FARSB: variants seen among roughly 807,000 people sequenced by gnomAD.
The protein encoded by FARSB is phenylalanyl-tRNA synthetase subunit beta, also known as phenylalanine--tRNA ligase beta subunit.
A neutral mutation model predicts 69.6 loss-of-function variants in FARSB; 40 were observed. The ratio of observed to expected loss-of-function variants is 0.57; its 90% CI spans 0.45 to 0.75. The LOEUF (loss-of-function observed/expected upper bound fraction) is 0.75. Ranked by LOEUF, FARSB falls within the 30% of genes least tolerant of loss-of-function variation. The pLI is 0.00. For missense variants in FARSB, 632 were observed against 722.9 expected, an observed-to-expected ratio of 0.87 and a Z score of 1.44; for synonymous variants, 235 against 247.2, an observed-to-expected ratio of 0.95 and a Z score of 0.46.
At chr2:222,573,264 G>C (rs1262642683) in intron 16 of FARSB, among the ~76,000 whole-genome samples, 1 of 152,060 alleles carries the variant, frequency 6.6e-6, no homozygotes, top group African/African-American at 2.4e-5. Flanking sequence ...TCATTCTTAA[G>C]TAAACCCAAA....
intron 15 of FARSB, among the ~76,000 whole-genome samples, chr2:222,613,084 G>T (rs544735930): frequency 6.6e-6 from 1 of 152,198 alleles, no homozygotes; most frequent in Non-Finnish European, 1.5e-5. Context: ...TCAAGTTGAG[G>T]TTTTAACAGT....
rs569716162 is a variant in FARSB at position 222,646,753 on chromosome 2, C to A, written c.114+1987G>T. Among the ~76,000 whole-genome samples the A allele has an allele frequency of 3.4e-4, 52 of 152,308 alleles. 1 individual carries two copies. Among genetic ancestry groups the A allele is most frequent in the African/African-American group, 1.3e-3 (52 of 41,560 alleles). ...TCTCTTGCTCATTTTGCAGAAATAA[C>A]CTAAGTTGCTCAAATTCAGACTTGA... On this transcript the variant is annotated intron_variant, in intron 2 of 16. Transcript: ENST00000281828.
intron 13 of FARSB, among the ~76,000 whole-genome samples, chr2:222,621,388 A>G (rs1337213308): frequency 6.6e-6 from 1 of 152,078 alleles, no homozygotes; most frequent in Non-Finnish European, 1.5e-5. Flanking sequence ...ACACCCGACT[A>G]ATTTTTGTAT....
chr2:222,656,062 G>A lies in FARSB; in HGVS notation c.12C>T (p.Val4=), dbSNP rs764181068. 1 of 1,596,488 alleles carries A rather than the reference G, an allele frequency of 6.3e-7. No homozygotes were observed. The highest frequency in any genetic ancestry group is 1.1e-5 in the South Asian group (1 of 88,608). The change falls in exon 1 of 17, where the codon GTC becomes GTT. Residue 4 remains valine (V), a synonymous_variant. Coordinates refer to ENST00000281828, the MANE Select transcript of FARSB (RefSeq NM_005687.5). MPT[V]SVKRDLLFQA... is the part of the protein sequence containing the mutation. Reference sequence around the variant, plus strand: ...GGAAGAGCAGATCACGCTTCACGCTGACAGTCGGCATGGTGTGTCGAACTC... The same window carrying A: ...GGAAGAGCAGATCACGCTTCACGCTAACAGTCGGCATGGTGTGTCGAACTC...
intron 1 of FARSB, among the ~76,000 whole-genome samples, chr2:222,653,447 A>G (rs1280053089): frequency 1.3e-5 from 2 of 152,028 alleles, no homozygotes; most frequent in Non-Finnish European, 2.9e-5. Context: ...AAAAAAAGGT[A>G]AGAAACAAGA....
chr2:222,626,606 G>C (rs1287791268), intron 10 of FARSB, among the ~76,000 whole-genome samples: 1 of 152,020 alleles, frequency 6.6e-6, no homozygotes, highest in Non-Finnish European at 1.5e-5. Flanking sequence ...ATTTACAAAA[G>C]GTCTCTATAT....
intron 8 of FARSB, 57 bp from the exon 9 acceptor site, chr2:222,630,231 A>T: frequency 1.2e-6 from 1 of 830,722 alleles, no homozygotes; most frequent in Non-Finnish European, 1.9e-6. Context: ...CTTCACTCAG[A>T]TGGAAATGAA....
intron 16 of FARSB, among the ~76,000 whole-genome samples, chr2:222,597,456 T>A (rs542431698): frequency 2.6e-4 from 39 of 151,722 alleles, no homozygotes; most frequent in African/African-American, 9.4e-4. Context: ...AAAAAAAAAA[T>A]TCTAAACAAA....
chr2:222,614,923 T>A (rs1183442442), intron 14 of FARSB, among the ~76,000 whole-genome samples: 1 of 152,148 alleles, frequency 6.6e-6, no homozygotes, highest in African/African-American at 2.4e-5. Flanking sequence ...AATTAAAATA[T>A]CACAATGAGG....
At chr2:222,648,454 G>A (rs1691928256) in intron 2 of FARSB, among the ~76,000 whole-genome samples, 1 of 152,112 alleles carries the variant, frequency 6.6e-6, no homozygotes, top group African/African-American at 2.4e-5. Context: ...GCCAAAGGAG[G>A]GAGCTTACTT....
chr2:222,650,703 G>A (rs1183308319), intron 1 of FARSB, among the ~76,000 whole-genome samples: 1 of 152,086 alleles, frequency 6.6e-6, no homozygotes, highest in East Asian at 1.9e-4. Flanking sequence ...TGTGAACTGA[G>A]GTCTGCAGCA....
At chr2:222,590,168 C>T (rs187950168) in intron 16 of FARSB, among the ~76,000 whole-genome samples, 1,607 of 152,132 alleles carry the variant, frequency 0.011, 27 homozygotes, top group African/African-American at 0.037. Context: ...ATATACACCA[C>T]GGAATACTAT....
In FARSB at chr2:222,571,496, A is replaced by G. The variant is rs1230571254; in HGVS notation, c.*375T>C. On this transcript the variant is annotated 3_prime_UTR_variant, in exon 17 of 17. Transcript: ENST00000281828. ...CATGCAACATGAATTCTCATCGATT[A>G]TCTTGTTTTATCAATAAGGAAAGAA... The G allele has an allele frequency of 6.3e-6, 1 of 158,576 alleles. No individual in the cohort carries two copies. Among genetic ancestry groups the G allele is most frequent in the East Asian group, 1.8e-4 (1 of 5,496 alleles). 9.8% of individuals were successfully genotyped at this position (158,576 alleles called of 1,614,324 possible). A position where few individuals can be genotyped will look rare whatever the true frequency, so the allele number is the denominator to read the frequency against.
intron 15 of FARSB, among the ~76,000 whole-genome samples, chr2:222,604,212 CG>C (rs1461325473): frequency 2.7e-5 from 4 of 146,534 alleles, no homozygotes; most frequent in Non-Finnish European, 6.0e-5. Context: ...AGCGAGACTC[CG>C]TCTTAAAAAA....
At chr2:222,652,412 T>C (rs887318420) in intron 1 of FARSB, among the ~76,000 whole-genome samples, 3 of 152,164 alleles carry the variant, frequency 2.0e-5, no homozygotes, top group Non-Finnish European at 4.4e-5. Context: ...CCCTTCCACA[T>C]TGTGCTAGGA....
At chr2:222,574,181 A>G (rs1468961377) in intron 16 of FARSB, among the ~76,000 whole-genome samples, 1 of 152,046 alleles carries the variant, frequency 6.6e-6, no homozygotes, top group African/African-American at 2.4e-5. Flanking sequence ...AGCAAAATTC[A>G]GTTATATTCT....
rs766831839 is a variant in FARSB, at chr2:222,640,893, C to G, written c.308G>C (p.Gly103Ala). Residue 103 changes from glycine to alanine, a missense_variant, in exon 4 of 17, where the codon GGA becomes GCA. By Grantham distance (60) the Gly-to-Ala change is moderately conservative. Coordinates refer to ENST00000281828, the MANE Select transcript of FARSB (RefSeq NM_005687.5). ...APVYKRVMPD[G>A]KIQKLIITEE... ...TGTGATAATCAATTTCTGGATTTTT[C>G]CATCAGGCATTACCCGTTTATACAC... The G allele has an allele frequency of 6.4e-7, 1 of 1,557,154 alleles. No individual in the cohort carries two copies. Among genetic ancestry groups the G allele is most frequent in the Non-Finnish European group, 8.8e-7 (1 of 1,138,712 alleles).
chr2:222,648,271 C>T (rs1691921972), intron 2 of FARSB, among the ~76,000 whole-genome samples: 1 of 152,046 alleles, frequency 6.6e-6, no homozygotes, highest in South Asian at 2.1e-4. Context: ...AATATTAGTT[C>T]ATTTTACAAG....
intron 10 of FARSB, among the ~76,000 whole-genome samples, chr2:222,627,481 G>T (rs1276900682): frequency 6.6e-6 from 1 of 152,164 alleles, no homozygotes; most frequent in African/African-American, 2.4e-5. Context: ...GACTACATAT[G>T]GGTAAGCCCA....
Sources: gnomAD v4.1 joint callset for allele counts (sites outside exome capture counted in the v4.1 genomes callset) on GRCh38, gnomAD v4.1.1 for gene constraint, MANE v1.5 for transcripts, NCBI Gene and HGNC (gene_info 2026-07-23, HGNC 2026-07-21) for gene names.